The following SLC8A1 variants were observed in gnomAD, a reference collection of about 807,000 sequenced individuals.
SLC8A1 encodes sodium/calcium exchanger 1.
SLC8A1 carries 18 observed loss-of-function variants against 68.3 expected under a neutral mutation model. The observed-to-expected ratio is 0.26, with a 90% CI of 0.18 to 0.39. The LOEUF is 0.39. Ranked by LOEUF, SLC8A1 falls within the 10% of genes least tolerant of loss-of-function variation. The pLI, the probability that SLC8A1 is intolerant of heterozygous loss-of-function variation, is 1.00. For missense variants in SLC8A1, 985 were observed against 1,156.7 expected (o/e 0.85, Z 2.15); for synonymous variants, 475 against 415.5 (o/e 1.14, Z -1.74).
chr2:40,297,616 T>TTAAC (rs1423297831), intron 2 of SLC8A1, among the ~76,000 whole-genome samples: 17 of 152,334 alleles, frequency 1.1e-4, no homozygotes, highest in African/African-American at 3.8e-4. Flanking sequence ...ATCTAAAGAC[T>TTAAC]TAACCTTCTT....
intron 1 of SLC8A1, among the ~76,000 whole-genome samples, chr2:40,430,895 T>C (rs918862719): frequency 6.6e-6 from 1 of 152,194 alleles, no homozygotes; most frequent in Non-Finnish European, 1.5e-5. Context: ...AATCATGTCC[T>C]ATTGCTCCAC....
intron 2 of SLC8A1, among the ~76,000 whole-genome samples, chr2:40,314,860 T>C (rs1012846436): frequency 6.6e-6 from 1 of 152,066 alleles, no homozygotes; most frequent in Non-Finnish European, 1.5e-5. Flanking sequence ...CCCTGCAAAC[T>C]TGTTAAACTC....
chr2:40,234,749 C>T (rs1290252318), intron 2 of SLC8A1, among the ~76,000 whole-genome samples: 7 of 152,198 alleles, frequency 4.6e-5, no homozygotes, highest in African/African-American at 7.2e-5. Flanking sequence ...TCATAGATAG[C>T]TCTTATTATT....
At chr2:40,383,138 T>C (rs969680313) in intron 2 of SLC8A1, among the ~76,000 whole-genome samples, 7 of 152,134 alleles carry the variant, frequency 4.6e-5, no homozygotes, top group Non-Finnish European at 1.0e-4. Context: ...CACATCCTTG[T>C]ATTCAAAATT....
At chr2:40,198,118 A>G (rs1240673177) in intron 2 of SLC8A1, among the ~76,000 whole-genome samples, 2 of 152,024 alleles carry the variant, frequency 1.3e-5, no homozygotes, top group South Asian at 2.1e-4. Context: ...GTCAGTTGAA[A>G]AAGTCATTAT....
intron 1 of SLC8A1, among the ~76,000 whole-genome samples, chr2:40,507,609 G>T (rs775888348): frequency 2.9e-4 from 44 of 151,996 alleles, no homozygotes; most frequent in Non-Finnish European, 4.7e-4. Context: ...CTGTGGAGCA[G>T]TGTAGAACAG....
chr2:40,121,603 C>T (rs896530822), intron 7 of SLC8A1, among the ~76,000 whole-genome samples: 1 of 152,070 alleles, frequency 6.6e-6, no homozygotes, highest in Non-Finnish European at 1.5e-5. Flanking sequence ...TTGAATTGTG[C>T]TGCTCTGTTT....
chr2:40,280,436 AACTAT>A (rs2067345281), intron 2 of SLC8A1, among the ~76,000 whole-genome samples: 1 of 152,180 alleles, frequency 6.6e-6, no homozygotes, highest in Non-Finnish European at 1.5e-5. Flanking sequence ...ATTTTTGGAT[AACTAT>A]TCTTTCTTGA....
At chr2:40,214,296 A>T (rs181138271) in intron 2 of SLC8A1, among the ~76,000 whole-genome samples, 26 of 152,094 alleles carry the variant, frequency 1.7e-4, no homozygotes, top group Admixed American at 1.6e-3. Flanking sequence ...AGAAAAGCAG[A>T]CTTCCTTCCC....
intron 6 of SLC8A1, 104 bp from the exon 10 acceptor site, chr2:40,139,780 C>G: frequency 1.7e-6 from 2 of 1,190,244 alleles, no homozygotes; most frequent in Non-Finnish European, 1.2e-6. Context: ...CACTCTGTGA[C>G]AGGAGGCCAT....
chr2:40,104,334 G>A (rs2034070652), exon 8 of SLC8A1: 1 of 152,164 alleles, frequency 6.6e-6, no homozygotes, highest in African/African-American at 2.4e-5. Context: ...TGAGGCAAAT[G>A]ATCTTTGTAA....
At chr2:40,333,130 G>C (rs1001984823) in intron 2 of SLC8A1, among the ~76,000 whole-genome samples, 4 of 152,160 alleles carry the variant, frequency 2.6e-5, no homozygotes, top group African/African-American at 7.2e-5. Context: ...GAAAATACTT[G>C]TTGCACTCAG....
chr2:40,449,293 C>T (rs1702013726), intron 1 of SLC8A1, among the ~76,000 whole-genome samples: 1 of 152,014 alleles, frequency 6.6e-6, no homozygotes, highest in African/African-American at 2.4e-5. Flanking sequence ...TTGCAACTTC[C>T]TTGGATCTGC....
At chr2:40,373,917 G>A (rs1458483428) in intron 2 of SLC8A1, among the ~76,000 whole-genome samples, 1 of 152,072 alleles carries the variant, frequency 6.6e-6, no homozygotes, top group East Asian at 1.9e-4. Context: ...AAACAAGTGT[G>A]CATAAAATGG....
At chr2:40,331,474 A>T (rs1048748548) in intron 2 of SLC8A1, among the ~76,000 whole-genome samples, 14 of 152,192 alleles carry the variant, frequency 9.2e-5, no homozygotes, top group African/African-American at 3.4e-4. Context: ...GAGAATAAAA[A>T]AGTGCCCTTT....
At chr2:40,247,122 A>C (rs1484769060) in intron 2 of SLC8A1, among the ~76,000 whole-genome samples, 1 of 152,190 alleles carries the variant, frequency 6.6e-6, no homozygotes, top group Non-Finnish European at 1.5e-5. Flanking sequence ...TTTCCTGGGC[A>C]GAAGCAAGGA....
chr2:40,209,762 C>G (rs763529655), intron 2 of SLC8A1, among the ~76,000 whole-genome samples: 3 of 152,144 alleles, frequency 2.0e-5, no homozygotes, highest in East Asian at 1.9e-4. Flanking sequence ...CTGATTGCTT[C>G]TATTTTCTCA....
chr2:40,242,945 TATTAAG>T (rs74271064), intron 2 of SLC8A1, among the ~76,000 whole-genome samples: 7,759 of 152,246 alleles, frequency 0.051, 450 homozygotes, highest in African/African-American at 0.15. Context: ...ATTCCATAGT[TATTAAG>T]ATTATTTTCC....
At chr2:40,224,146 G>A (rs973262662) in intron 2 of SLC8A1, among the ~76,000 whole-genome samples, 9 of 152,096 alleles carry the variant, frequency 5.9e-5, no homozygotes, top group East Asian at 1.9e-4. Context: ...TGTCTAGTGC[G>A]GTGGATTACT....
Sources: gnomAD v4.1 joint callset for allele counts (sites outside exome capture counted in the v4.1 genomes callset) on GRCh38, gnomAD v4.1.1 for gene constraint, MANE v1.5 for transcripts, NCBI Gene and HGNC (gene_info 2026-07-23, HGNC 2026-07-21) for gene names.